The following BCO2 variants were observed in gnomAD, a reference collection of about 807,000 sequenced individuals.
BCO2 encodes beta-carotene oxygenase 2.
BCO2 carries 56 observed loss-of-function variants against 65.8 expected under a neutral mutation model. The ratio of observed to expected loss-of-function variants is 0.85; its 90% confidence interval spans 0.69 to 1.06. The LOEUF is 1.06. BCO2 is among the 50% of genes least tolerant of loss of function. The probability of loss-of-function intolerance (pLI) is 0.00; values close to 1 mark genes in which losing one functional copy is unlikely to be tolerated. For synonymous variants in BCO2, 233 were observed against 242.3 expected, an observed-to-expected ratio of 0.96 and a Z score of 0.36; for missense variants, 675 against 698.5, an observed-to-expected ratio of 0.97 and a Z score of 0.38.
chr11:112,212,653 G>A (rs952692067), intron 8 of BCO2, among the ~76,000 whole-genome samples: 2 of 152,070 alleles, frequency 1.3e-5, no homozygotes, highest in Admixed American at 6.5e-5. Context: ...ATTCCTCCAG[G>A]AACTAGTGAC....
chr11:112,213,616 T>C (rs1186176539), intron 8 of BCO2, 108 bp from the exon 9 acceptor site: 1 of 1,159,150 alleles, frequency 8.6e-7, no homozygotes, highest in East Asian at 2.4e-5. Flanking sequence ...GAAATTATCA[T>C]TTATTTAAAT....
Position 112,184,444 on chromosome 11 carries a change from G to A in BCO2, c.293+4962G>A, listed in dbSNP as rs1257448033. 5.9e-5 allele frequency among the ~76,000 whole-genome samples: 9 copies of A among 151,964 alleles called. No individual in the cohort carries two copies. In the East Asian group the frequency reaches 9.7e-4, roughly 16 times the overall value. ...ATTTTTTTGTATTTTTAGTAGAGAC[G>A]GGGTTTCACCGTGTTAGCCAGGATG... is the stretch of plus-strand genomic sequence containing the variant. On this transcript the variant is annotated intron_variant, in intron 2 of 11. Coordinates refer to ENST00000357685, the MANE Select transcript of BCO2 (RefSeq NM_031938.7).
intron 5 of BCO2, among the ~76,000 whole-genome samples, chr11:112,198,512 A>C (rs1867642134): frequency 1.3e-5 from 2 of 152,096 alleles, no homozygotes; most frequent in Admixed American, 6.6e-5. Context: ...GCAGATAAAC[A>C]AGCAGAAAAT....
chr11:112,202,311 C>A, intron 8 of BCO2, 121 bp downstream of exon 8: 1 of 926,494 alleles, frequency 1.1e-6, no homozygotes, highest in Non-Finnish European at 1.6e-6. Flanking sequence ...GAGACTGAGT[C>A]TTGCTGTGTC....
At chr11:112,200,577 C>A in intron 6 of BCO2, 36 bp from the exon 7 acceptor site, 1 of 1,572,758 alleles carries the variant, frequency 6.4e-7, no homozygotes, top group Non-Finnish European at 8.6e-7. Flanking sequence ...TCTAGTTTGC[C>A]AAATAACATT....
chr11:112,186,096 AAAGAGAAGTAG>A (rs1408672278), intron 2 of BCO2, among the ~76,000 whole-genome samples: 1 of 152,232 alleles, frequency 6.6e-6, no homozygotes, highest in African/African-American at 2.4e-5. Flanking sequence ...ATTATGAGGC[AAAGAGAAGTAG>A]AAGAGAAGGA....
Position 112,199,692 on chromosome 11 carries a change from T to C in BCO2, c.737-7T>C, listed in dbSNP as rs1378656882. 1.2e-6 allele frequency: 2 copies of C among 1,612,486 alleles called. No homozygotes were observed. Among genetic ancestry groups the C allele is most frequent in the African/African-American group, 2.7e-5 (2 of 74,796 alleles). ...AAACAGGTAAGATAGGACTTTTCAT[T>C]TTTCAGGTTTCTCCTATAAGGTTAT... On this transcript the variant is annotated splice_region_variant and splice_polypyrimidine_tract_variant and intron_variant, in intron 5 of 11. Transcript: ENST00000357685.
chr11:112,179,524 G>T, intron 2 of BCO2, 42 bp downstream of exon 2: 1 of 1,557,880 alleles, frequency 6.4e-7, no homozygotes, highest in Non-Finnish European at 8.8e-7. Flanking sequence ...TTCTTGGCAT[G>T]GGCTGGTTCT....
rs370292851 is a variant in BCO2, at chr11:112,194,729, A to G, written c.710A>G (p.Asn237Ser). 1.6e-5 allele frequency: 26 copies of G among 1,610,436 alleles called. No homozygotes were observed. In the African/African-American group the frequency reaches 3.1e-4, roughly 19 times the overall value. Residue 237 changes from asparagine (N) to serine (S), a missense_variant, in exon 5 of 12, where the codon AAT becomes AGT. By Grantham distance (46) the Asn-to-Ser change is conservative (BLOSUM62 1). Coordinates refer to ENST00000357685, the MANE Select transcript of BCO2 (RefSeq NM_031938.7). ...TATGACCTGGATGGAACAGCATACA[A>G]TATGGGGAACTCCTTTGGGCCATAT... ...PHYDLDGTAY[N>S]MGNSFGPYGF...
intron 2 of BCO2, chr11:112,183,159 A>T: frequency 8.9e-7 from 1 of 1,120,676 alleles, no homozygotes; most frequent in Non-Finnish European, 1.4e-6. Context: ...AGAGATGCTA[A>T]CACCACTATA....
chr11:112,177,039 T>C (rs933422181), intron 1 of BCO2, among the ~76,000 whole-genome samples: 1 of 152,190 alleles, frequency 6.6e-6, no homozygotes, highest in African/African-American at 2.4e-5. Context: ...GACATGTAAA[T>C]ATTTTCTACA....
intron 2 of BCO2, among the ~76,000 whole-genome samples, chr11:112,184,845 C>A (rs1261925927): frequency 6.6e-6 from 1 of 152,122 alleles, no homozygotes; most frequent in Non-Finnish European, 1.5e-5. Context: ...GTTCTGAATT[C>A]TACAGACTCA....
intron 10 of BCO2, among the ~76,000 whole-genome samples, chr11:112,215,917 CAG>C (rs1163378580): frequency 6.6e-6 from 1 of 152,088 alleles, no homozygotes; most frequent in Non-Finnish European, 1.5e-5. Context: ...AGGAGCAAGA[CAG>C]AGAGGAGGAG....
At chr11:112,214,305 C>T (rs1280028307) in intron 9 of BCO2, among the ~76,000 whole-genome samples, 1 of 152,082 alleles carries the variant, frequency 6.6e-6, no homozygotes, top group African/African-American at 2.4e-5. Flanking sequence ...TGTCACCACG[C>T]CCGGCTAATG....
At chr11:112,177,819 C>A (rs189865760) in intron 1 of BCO2, among the ~76,000 whole-genome samples, 1 of 152,084 alleles carries the variant, frequency 6.6e-6, no homozygotes, top group Admixed American at 6.5e-5. Context: ...GGTAGAGCCC[C>A]AGCTCACACC....
At position 112,179,472 on chromosome 11, in the gene BCO2, G is replaced by C. The variant is rs1001069032; in HGVS notation, c.283G>C (p.Gly95Arg). ...AATTGGACCTGGGAAATTCGAGTTT[G>C]GGAAGGATAAGTAAGCCTTGATTTT... ...LRIGPGKFEFGKDKYNHWFDG... is the reference protein window; with the variant it reads ...LRIGPGKFEFRKDKYNHWFDG... Residue 95 changes from glycine to arginine, a missense_variant, in exon 2 of 12, where the codon GGG becomes CGG. Gly to Arg is a moderately radical substitution (Grantham distance 125). Coordinates refer to ENST00000357685, the MANE Select transcript of BCO2 (RefSeq NM_031938.7). 6 of 1,613,872 alleles carry C rather than the reference G, an allele frequency of 3.7e-6. No individual in the cohort carries two copies. The Admixed American group carries it at 5.0e-5, about 13-fold the overall frequency.
At chr11:112,210,670 TGTG>T (rs1230537212) in intron 8 of BCO2, among the ~76,000 whole-genome samples, 1 of 152,068 alleles carries the variant, frequency 6.6e-6, no homozygotes, top group African/African-American at 2.4e-5. Context: ...GAAGGATCCT[TGTG>T]GTGATGGATC....
At chr11:112,194,581 G>T in intron 4 of BCO2, 72 bp from the exon 5 acceptor site, 4 of 887,152 alleles carry the variant, frequency 4.5e-6, no homozygotes, top group Non-Finnish European at 7.3e-6. Flanking sequence ...AAAAACATTA[G>T]ATATTTCTAC....
chr11:112,210,756 G>GCACA (rs34029146), intron 8 of BCO2, among the ~76,000 whole-genome samples: 5 of 148,176 alleles, frequency 3.4e-5, no homozygotes, highest in Non-Finnish European at 4.5e-5. Flanking sequence ...CTAAATACAC[G>GCACA]CACACACACA....
Sources: allele counts gnomAD v4.1 joint callset (sites outside exome capture counted in the v4.1 genomes callset), GRCh38; gene constraint gnomAD v4.1.1; transcripts MANE v1.5; gene names NCBI Gene and HGNC (gene_info 2026-07-23, HGNC 2026-07-21).